Variants in FAM53B observed in about 807,000 individuals in gnomAD.
FAM53B encodes protein FAM53B.
In FAM53B, 12 loss-of-function variants were observed where a neutral mutation model predicts 32.7. The ratio of observed to expected loss-of-function variants is 0.37; its 90% confidence interval spans 0.24 to 0.59. The LOEUF is 0.59. FAM53B is among the 20% of genes least tolerant of loss of function. The pLI is 0.72. For missense variants in FAM53B, 477 were observed against 577.7 expected (o/e 0.83, Z 1.79); for synonymous variants, 234 against 228.7 (o/e 1.02, Z -0.21).
intron 1 of FAM53B, among the ~76,000 whole-genome samples, chr10:124,732,721 T>C (rs910710997): frequency 1.3e-5 from 2 of 151,778 alleles, no homozygotes; most frequent in African/African-American, 4.8e-5. Context: ...TAGCTGGGCA[T>C]AGTGGCACAC....
At chr10:124,672,743 G>A (rs747076971) in intron 4 of FAM53B, among the ~76,000 whole-genome samples, 2 of 152,216 alleles carry the variant, frequency 1.3e-5, no homozygotes, top group Non-Finnish European at 2.9e-5. Flanking sequence ...TGCAAACTGA[G>A]GGCTGACAGG....
intron 3 of FAM53B, among the ~76,000 whole-genome samples, chr10:124,692,440 C>A (rs867858958): frequency 1.3e-5 from 2 of 152,210 alleles, no homozygotes; most frequent in Middle Eastern, 3.4e-3. Context: ...ATAGGCCAGG[C>A]GCGGTGGCTC....
chr10:124,702,447 A>G (rs530931093), intron 2 of FAM53B, among the ~76,000 whole-genome samples: 6 of 152,260 alleles, frequency 3.9e-5, no homozygotes, highest in African/African-American at 1.4e-4. Flanking sequence ...TCATCACTAG[A>G]CTAAGATTAT....
intron 3 of FAM53B, among the ~76,000 whole-genome samples, chr10:124,693,033 C>T (rs925486850): frequency 6.6e-6 from 1 of 152,144 alleles, no homozygotes; most frequent in African/African-American, 2.4e-5. Flanking sequence ...AACATGAGTC[C>T]TTTATCTTCA....
chr10:124,670,998 T>C (rs901346261), intron 4 of FAM53B, among the ~76,000 whole-genome samples: 1 of 152,286 alleles, frequency 6.6e-6, no homozygotes, highest in African/African-American at 2.4e-5. Flanking sequence ...AGGACGGAGC[T>C]GCGATGCGCG....
intron 1 of FAM53B, among the ~76,000 whole-genome samples, chr10:124,710,067 G>A (rs1949990340): frequency 1.3e-5 from 2 of 152,368 alleles, no homozygotes; most frequent in African/African-American, 2.4e-5. Flanking sequence ...AGGCGTGGCC[G>A]CCGGGTCGGA....
chr10:124,650,830 A>T (rs1949551317), intron 4 of FAM53B, among the ~76,000 whole-genome samples: 1 of 152,112 alleles, frequency 6.6e-6, no homozygotes, highest in South Asian at 2.1e-4. Flanking sequence ...TTCGAGAGAG[A>T]GATGTGTTTG....
chr10:124,707,590 T>TTAGCTGG (rs1318371609), intron 1 of FAM53B, among the ~76,000 whole-genome samples: 1 of 152,118 alleles, frequency 6.6e-6, no homozygotes, highest in East Asian at 1.9e-4. Context: ...ATACAAAAAA[T>TTAGCTGG]TAGCTGGGCT....
rs1337088500 is a variant in FAM53B, at chr10:124,621,930, A to T, written c.*1312T>A. The T allele has an allele frequency of 6.6e-6, 1 of 152,528 alleles. No individual in the cohort carries two copies. The highest frequency in any genetic ancestry group is 1.5e-5 in the Non-Finnish European group (1 of 68,056). The allele number at this position is 152,528 out of a possible 1,614,324, so 9.4% of individuals were successfully genotyped here. On this transcript the variant is annotated 3_prime_UTR_variant, in exon 5 of 5. Coordinates refer to ENST00000337318, the MANE Select transcript of FAM53B (RefSeq NM_014661.4). Reference sequence around the variant, plus strand: ...CATTCGCTAAAAGCCAGATTCCCATAGAGCAGAGCCCATGTGGTGGTGTCT... The same window carrying T: ...CATTCGCTAAAAGCCAGATTCCCATTGAGCAGAGCCCATGTGGTGGTGTCT...
chr10:124,709,063 C>T lies in FAM53B; in HGVS notation c.-174-2176G>A, dbSNP rs370195568. ...AGTGTCTCGCTCATCCAGGAGAGTGCTCAATCAGCAGCAGCTACTGCTAGC... is the reference window on the plus strand; with the variant it reads ...AGTGTCTCGCTCATCCAGGAGAGTGTTCAATCAGCAGCAGCTACTGCTAGC... On this transcript the variant is annotated intron_variant, in intron 1 of 4. Transcript: ENST00000337318. Among the ~76,000 whole-genome samples the T allele has an allele frequency of 5.9e-5, 9 of 152,378 alleles. No homozygotes were observed. In the East Asian group the frequency reaches 1.3e-3, roughly 23 times the overall value.
At chr10:124,703,537 C>T (rs1949929990) in intron 2 of FAM53B, 1 of 152,370 alleles carries the variant, frequency 6.6e-6, no homozygotes, top group Non-Finnish European at 1.5e-5. Flanking sequence ...AGCGCTGAGC[C>T]AGGCCGGGCC....
At chr10:124,729,075 C>T (rs571428609) in intron 1 of FAM53B, among the ~76,000 whole-genome samples, 1 of 152,356 alleles carries the variant, frequency 6.6e-6, no homozygotes, top group Admixed American at 6.5e-5. Flanking sequence ...ATGCAGAGTG[C>T]TTGGCACACA....
At chr10:124,731,174 G>A (rs12247543) in intron 1 of FAM53B, among the ~76,000 whole-genome samples, 8 of 152,074 alleles carry the variant, frequency 5.3e-5, no homozygotes, top group Admixed American at 2.0e-4. Flanking sequence ...CACTTCTCAG[G>A]GTGGTTATAT....
At chr10:124,639,644 C>T (rs1441801885) in intron 4 of FAM53B, among the ~76,000 whole-genome samples, 2 of 152,176 alleles carry the variant, frequency 1.3e-5, no homozygotes, top group Non-Finnish European at 2.9e-5. Context: ...GGACACACCT[C>T]AACATAACTA....
At chr10:124,676,704 C>T (rs908709126) in intron 4 of FAM53B, among the ~76,000 whole-genome samples, 1 of 152,180 alleles carries the variant, frequency 6.6e-6, no homozygotes, top group African/African-American at 2.4e-5. Context: ...CAACTTCCTG[C>T]AGCAACCCCT....
At chr10:124,646,357 C>T (rs1041870494) in intron 4 of FAM53B, among the ~76,000 whole-genome samples, 3 of 152,258 alleles carry the variant, frequency 2.0e-5, no homozygotes, top group African/African-American at 7.2e-5. Context: ...CCGCAATGGG[C>T]TCAAACATCT....
intron 4 of FAM53B, among the ~76,000 whole-genome samples, chr10:124,634,904 C>T (rs534974044): frequency 3.9e-5 from 6 of 152,144 alleles, no homozygotes; most frequent in Admixed American, 2.6e-4. Flanking sequence ...AAGTTGTACA[C>T]CTTAAATGGG....
chr10:124,706,463 C>T (rs924199096), intron 2 of FAM53B, among the ~76,000 whole-genome samples, 173 bp downstream of exon 2: 1 of 152,208 alleles, frequency 6.6e-6, no homozygotes, highest in Non-Finnish European at 1.5e-5. Context: ...AGCAAGTTCT[C>T]AGTCAAGCTC....
intron 1 of FAM53B, among the ~76,000 whole-genome samples, chr10:124,727,330 TGGGG>T (rs35254075): frequency 5.5e-4 from 49 of 89,250 alleles, no homozygotes; most frequent in South Asian, 5.3e-3. Context: ...TGAGTGATTG[TGGGG>T]GGGGGGGGGG....
Sources: allele counts gnomAD v4.1 joint callset (sites outside exome capture counted in the v4.1 genomes callset), GRCh38; gene constraint gnomAD v4.1.1; transcripts MANE v1.5; gene names NCBI Gene and HGNC (gene_info 2026-07-23, HGNC 2026-07-21).